The following ARHGEF7 variants were observed in gnomAD, a reference collection of about 807,000 sequenced individuals.
ARHGEF7 encodes Rho guanine nucleotide exchange factor 7, also known as PAK-interacting exchange factor beta.
A neutral mutation model predicts 109.8 loss-of-function variants in ARHGEF7; 33 were observed. The ratio of observed to expected loss-of-function variants is 0.30; its 90% CI spans 0.23 to 0.40. The LOEUF is 0.40. Ranked by LOEUF, ARHGEF7 falls within the 10% of genes least tolerant of loss-of-function variation. The pLI, the probability that ARHGEF7 is intolerant of heterozygous loss-of-function variation, is 1.00. For missense variants in ARHGEF7, 938 were observed against 1,098.5 expected (o/e 0.85, Z 2.07); for synonymous variants, 458 against 424.6 (o/e 1.08, Z -0.97).
At chr13:111,174,061 C>T (rs552330772) in intron 2 of ARHGEF7, among the ~76,000 whole-genome samples, 28 of 152,214 alleles carry the variant, frequency 1.8e-4, no homozygotes, top group African/African-American at 2.6e-4. Context: ...CTGTACTATT[C>T]GGATAAGATT....
At chr13:111,216,229 T>G (rs1447431161) in intron 4 of ARHGEF7, among the ~76,000 whole-genome samples, 1 of 152,142 alleles carries the variant, frequency 6.6e-6, no homozygotes, top group Non-Finnish European at 1.5e-5. Context: ...TACCAGTGTT[T>G]GAAGTTCTTT....
intron 2 of ARHGEF7, among the ~76,000 whole-genome samples, chr13:111,196,253 A>G (rs377591709): frequency 3.9e-4 from 59 of 152,222 alleles, no homozygotes; most frequent in African/African-American, 1.3e-3. Flanking sequence ...AGTCCCCATG[A>G]TCTGAGTTGA....
At chr13:111,257,653 C>T (rs1447832427) in intron 8 of ARHGEF7, among the ~76,000 whole-genome samples, 2 of 152,214 alleles carry the variant, frequency 1.3e-5, no homozygotes, top group African/African-American at 2.4e-5. Flanking sequence ...CTGGTTCTAA[C>T]TTCATATCAC....
intron 3 of ARHGEF7, among the ~76,000 whole-genome samples, chr13:111,206,157 G>GC (rs2081810701): frequency 1.3e-5 from 2 of 151,794 alleles, no homozygotes; most frequent in Admixed American, 1.3e-4. Flanking sequence ...GGGGGAAAGT[G>GC]CCGTGTCCTT....
chr13:111,209,909 C>T lies in ARHGEF7; in HGVS notation c.375C>T (p.Pro125=). 3 of 1,614,198 alleles carry T rather than the reference C, an allele frequency of 1.9e-6. No homozygotes were observed. Among genetic ancestry groups the T allele is most frequent in the South Asian group, 1.1e-5 (1 of 91,080 alleles). ...GLGSDSVCAR[P]SSHRIKSFDS... ...GGAGTGACTCCGTGTGTGCCCGGCCCTCGTCTCACCGCATAAAGTCTTTTG... is the reference window on the plus strand; with the variant it reads ...GGAGTGACTCCGTGTGTGCCCGGCCTTCGTCTCACCGCATAAAGTCTTTTG... The change falls in exon 4 of 22, where the codon CCC becomes CCT. Residue 125 remains proline, a synonymous_variant. Transcript: ENST00000646102.
intron 19 of ARHGEF7, chr13:111,294,987 T>C: frequency 1.0e-6 from 1 of 985,838 alleles, no homozygotes; most frequent in Non-Finnish European, 1.2e-6. Context: ...AAAATCTCTA[T>C]AATTGTGCTC....
At chr13:111,124,327 G>A (rs1240694980) in intron 1 of ARHGEF7, among the ~76,000 whole-genome samples, 2 of 152,202 alleles carry the variant, frequency 1.3e-5, no homozygotes, top group Admixed American at 6.5e-5. Context: ...TGGGGCCCAG[G>A]GACATGCAGG....
chr13:111,296,532 A>G (rs891430443), intron 19 of ARHGEF7, among the ~76,000 whole-genome samples: 7 of 152,222 alleles, frequency 4.6e-5, no homozygotes, highest in Admixed American at 2.0e-4. Flanking sequence ...AGTATAAATT[A>G]TTTCATTATA....
intron 1 of ARHGEF7, among the ~76,000 whole-genome samples, chr13:111,148,952 T>C (rs1227098619): frequency 1.3e-5 from 2 of 152,246 alleles, no homozygotes; most frequent in Non-Finnish European, 2.9e-5. Context: ...TCCTTGCGTT[T>C]TCAAGTATTT....
intron 19 of ARHGEF7, chr13:111,292,502 C>T: frequency 5.6e-6 from 8 of 1,428,474 alleles, no homozygotes; most frequent in Non-Finnish European, 7.3e-6. Context: ...TGCGAGTATA[C>T]ATTCGAATGA....
chr13:111,219,089 T>G (rs2083495183), intron 5 of ARHGEF7, among the ~76,000 whole-genome samples: 1 of 152,182 alleles, frequency 6.6e-6, no homozygotes, highest in Non-Finnish European at 1.5e-5. Context: ...ACTAGGTACA[T>G]TCACAGTTTT....
chr13:111,123,862 G>GGCCCCCCCCCCCCCC, intron 1 of ARHGEF7, among the ~76,000 whole-genome samples: 1 of 110,144 alleles, frequency 9.1e-6, no homozygotes, highest in South Asian at 3.2e-4. Flanking sequence ...GGTGGGCTGC[G>GGCCCCCCCCCCCCCC]CCCCCCCCCC....
chr13:111,137,712 A>G (rs2075151644), intron 1 of ARHGEF7, among the ~76,000 whole-genome samples: 5 of 151,992 alleles, frequency 3.3e-5, no homozygotes, highest in Admixed American at 3.3e-4. Flanking sequence ...TTTTTTTTTC[A>G]TACAACAGAA....
intron 8 of ARHGEF7, among the ~76,000 whole-genome samples, chr13:111,245,441 C>T (rs564967380): frequency 2.1e-4 from 32 of 152,092 alleles, no homozygotes; most frequent in Non-Finnish European, 2.8e-4. Flanking sequence ...TTTTGATTCT[C>T]GCTCAGCTCA....
intron 18 of ARHGEF7, among the ~76,000 whole-genome samples, chr13:111,290,718 C>G (rs1185641675): frequency 1.3e-5 from 2 of 152,248 alleles, no homozygotes; most frequent in Non-Finnish European, 2.9e-5. Flanking sequence ...GCAAGAAAAG[C>G]ATTGAACGAT....
intron 1 of ARHGEF7, among the ~76,000 whole-genome samples, chr13:111,140,284 C>T (rs534398469): frequency 6.6e-6 from 1 of 152,308 alleles, no homozygotes; most frequent in African/African-American, 2.4e-5. Flanking sequence ...CTGTAAACAT[C>T]ACACAGAAAT....
chr13:111,263,073 T>C (rs548033841), intron 8 of ARHGEF7, among the ~76,000 whole-genome samples: 9 of 152,248 alleles, frequency 5.9e-5, no homozygotes, highest in Non-Finnish European at 1.3e-4. Context: ...TGAACTCATA[T>C]TCTGTAATGG....
At chr13:111,182,858 A>G (rs1038177459) in intron 2 of ARHGEF7, among the ~76,000 whole-genome samples, 1 of 152,176 alleles carries the variant, frequency 6.6e-6, no homozygotes, top group African/African-American at 2.4e-5. Context: ...TGCTTCGAGT[A>G]CCCATACAGC....
Position 111,244,292 on chromosome 13 carries a change from C to T in ARHGEF7, c.948C>T (p.Thr316=), listed in dbSNP as rs2088372306. The change falls in exon 8 of 22, where the codon ACC becomes ACT. Residue 316 remains threonine, a splice_region_variant and synonymous_variant. Transcript: ENST00000646102. ...TCGTACAGTCTTTAGAAGAATGCAC[C>T]AAGTAAGTAAGATGCTAAAAATTTG... ...QMLVQSLEEC[T]KLPEAQQRVG... The T allele has an allele frequency of 6.3e-6, 10 of 1,577,584 alleles. No homozygotes were observed. The highest frequency in any genetic ancestry group is 8.6e-6 in the Non-Finnish European group (10 of 1,160,208).
Sources: gnomAD v4.1 joint callset for allele counts (sites outside exome capture counted in the v4.1 genomes callset) on GRCh38, gnomAD v4.1.1 for gene constraint, MANE v1.5 for transcripts, NCBI Gene and HGNC (gene_info 2026-07-23, HGNC 2026-07-21) for gene names.